Variants in SHROOM2 observed in about 807,000 individuals in gnomAD.
SHROOM2 encodes shroom family member 2.
In SHROOM2, 33 loss-of-function variants were observed where a neutral mutation model predicts 75.9. That is an observed-to-expected ratio of 0.43 (90% confidence interval 0.33 to 0.58). SHROOM2 has a LOEUF of 0.58. Among genes scored for constraint, SHROOM2 ranks in the 20% least tolerant of loss-of-function variants. SHROOM2 has a pLI of 0.04. For synonymous variants in SHROOM2, 655 were observed against 663.6 expected, an observed-to-expected ratio of 0.99 and a Z score of 0.20; for missense variants, 1,434 against 1,461.2, an observed-to-expected ratio of 0.98 and a Z score of 0.30.
intron 1 of SHROOM2, among the ~76,000 whole-genome samples, chrX:9,856,024 C>CTTTT (rs35234850): frequency 2.4e-5 from 2 of 84,288 alleles, no homozygotes. Context: ...AGAATGTTTC[C>CTTTT]TTTTTTTTTT....
chrX:9,850,677 A>G (rs765495944), intron 1 of SHROOM2, among the ~76,000 whole-genome samples: 2 of 110,585 alleles, frequency 1.8e-5, no homozygotes, highest in South Asian at 3.9e-4. Flanking sequence ...TCGTCTCTGC[A>G]AAAAATACAA....
chrX:9,868,799 C>T (rs1250986016), intron 1 of SHROOM2, among the ~76,000 whole-genome samples: 2 of 86,783 alleles, frequency 2.3e-5, no homozygotes, highest in South Asian at 6.9e-4. Context: ...AGGCTAGTCT[C>T]GAACTCCTGG....
At chrX:9,827,217 C>CTTTTTCTT (rs2083891935) in intron 1 of SHROOM2, among the ~76,000 whole-genome samples, 1 of 31,819 alleles carries the variant, frequency 3.1e-5, no homozygotes, top group East Asian at 1.9e-3. Context: ...TGACATTTTT[C>CTTTTTCTT]TTTTTCTTTT....
chrX:9,848,762 A>C (rs1421161916), intron 1 of SHROOM2, among the ~76,000 whole-genome samples: 2 of 110,636 alleles, frequency 1.8e-5, no homozygotes, highest in East Asian at 2.8e-4. Context: ...GTTTATCGAC[A>C]AGATGGGGAC....
At chrX:9,871,466 G>C (rs1259724683) in intron 1 of SHROOM2, among the ~76,000 whole-genome samples, 1 of 111,524 alleles carries the variant, frequency 9.0e-6, no homozygotes, top group Admixed American at 9.5e-5. Flanking sequence ...TCGAAACCCA[G>C]TCTCCCCCAG....
chrX:9,878,461 G>A (rs1255312883), intron 2 of SHROOM2, among the ~76,000 whole-genome samples: 1 of 111,973 alleles, frequency 8.9e-6, no homozygotes, highest in Non-Finnish European at 1.9e-5. Flanking sequence ...GAAGAGAAGA[G>A]GCTGCATGTC....
intron 3 of SHROOM2, among the ~76,000 whole-genome samples, chrX:9,892,254 TA>T (rs747599801): frequency 4.1e-3 from 326 of 78,859 alleles, no homozygotes; most frequent in African/African-American, 8.2e-3. Flanking sequence ...CCTCGTCTCT[TA>T]AAAAAAAAAA....
intron 8 of SHROOM2, among the ~76,000 whole-genome samples, chrX:9,939,923 A>G (rs938344369): frequency 2.8e-4 from 31 of 111,133 alleles, no homozygotes; most frequent in African/African-American, 9.5e-4. Context: ...AGTAGCTGGG[A>G]TTACAGGCAC....
intron 2 of SHROOM2, among the ~76,000 whole-genome samples, chrX:9,882,280 T>A (rs767542144): frequency 9.2e-6 from 1 of 108,427 alleles, no homozygotes; most frequent in South Asian, 4.2e-4. Context: ...TCCGTGGTGT[T>A]CATCCTTAGG....
Position 9,790,081 on chromosome X carries a change from A to G in SHROOM2, c.165+3371A>G, listed in dbSNP as rs1294197657. ...TTCCAGTGTGAATGCCAAAGACGGA[A>G]TCAGGGCATATTTTGGGGGGCGTGC... On this transcript the variant is annotated intron_variant, in intron 1 of 9. Coordinates refer to ENST00000380913, the MANE Select transcript of SHROOM2 (RefSeq NM_001649.4). Among the ~76,000 whole-genome samples the G allele has an allele frequency of 2.7e-5, 3 of 112,301 alleles. No homozygotes were observed. The East Asian group carries it at 8.4e-4, about 31-fold the overall frequency.
intron 1 of SHROOM2, among the ~76,000 whole-genome samples, chrX:9,824,906 A>G (rs2083880295): frequency 9.0e-6 from 1 of 111,271 alleles, no homozygotes; most frequent in Admixed American, 9.6e-5. Flanking sequence ...CTCCTGCGGG[A>G]CACTTGGGCG....
At chrX:9,906,448 T>A (rs1403239851) in intron 5 of SHROOM2, among the ~76,000 whole-genome samples, 1 of 111,781 alleles carries the variant, frequency 8.9e-6, no homozygotes, top group Non-Finnish European at 1.9e-5. Context: ...TCTCAGTCTT[T>A]AAAAAAAAAT....
chrX:9,816,965 A>G (rs189749369), intron 1 of SHROOM2, among the ~76,000 whole-genome samples: 1 of 110,939 alleles, frequency 9.0e-6, no homozygotes, highest in East Asian at 2.8e-4. Flanking sequence ...TTTCTGTTGA[A>G]TATTTTTCTT....
chrX:9,938,807 C>A (rs1466033066), intron 7 of SHROOM2, among the ~76,000 whole-genome samples: 2 of 110,552 alleles, frequency 1.8e-5, no homozygotes, highest in Non-Finnish European at 3.8e-5. Flanking sequence ...AGGAGGGCGC[C>A]GACAGGGCTG....
At chrX:9,831,991 G>A (rs1601933496) in intron 1 of SHROOM2, among the ~76,000 whole-genome samples, 1 of 111,731 alleles carries the variant, frequency 9.0e-6, no homozygotes, top group Non-Finnish European at 1.9e-5. Context: ...TGTAGCACAC[G>A]CCAGTTAGGA....
At chrX:9,804,987 C>A (rs779201156) in intron 1 of SHROOM2, among the ~76,000 whole-genome samples, 1 of 110,307 alleles carries the variant, frequency 9.1e-6, no homozygotes, top group Non-Finnish European at 1.9e-5. Context: ...GTAATCCCAG[C>A]ACTTTGGGAG....
intron 5 of SHROOM2, among the ~76,000 whole-genome samples, chrX:9,929,867 A>G (rs746942646): frequency 1.8e-5 from 2 of 111,243 alleles, no homozygotes; most frequent in Admixed American, 9.6e-5. Context: ...TTCCCCTGCT[A>G]TTCTTGTGAT....
At position 9,896,320 on chromosome X, in the gene SHROOM2, G is replaced by A. The variant is rs772946800; in HGVS notation, c.2412G>A (p.Thr804=). The change falls in exon 4 of 10, where the codon ACG becomes ACA. Residue 804 remains threonine, a synonymous_variant. Transcript: ENST00000380913. The part of the protein sequence containing the change: ...FADRWKFFEE[T]SKPVPQRPAQ... ...ACAGGTGGAAGTTTTTTGAGGAAAC[G>A]AGCAAACCTGTTCCCCAGAGGCCTG... The A allele has an allele frequency of 8.3e-7, 1 of 1,212,041 alleles. No individual in the cohort carries two copies. The highest frequency in any genetic ancestry group is 3.0e-5 in the East Asian group (1 of 33,851).
chrX:9,819,105 T>C, intron 1 of SHROOM2: 4 of 1,206,450 alleles, frequency 3.3e-6, no homozygotes, highest in Non-Finnish European at 4.5e-6. Context: ...GAGTTTATGA[T>C]GTGTGTCAAG....
Sources: gnomAD v4.1 joint callset for allele counts (sites outside exome capture counted in the v4.1 genomes callset) on GRCh38, gnomAD v4.1.1 for gene constraint, MANE v1.5 for transcripts, NCBI Gene and HGNC (gene_info 2026-07-23, HGNC 2026-07-21) for gene names.